The following LIX1 variants were observed in gnomAD, a reference collection of about 807,000 sequenced individuals.
LIX1 encodes the protein limb and CNS expressed 1, also known as protein limb expression 1 homolog.
In LIX1, 24 loss-of-function variants were observed where a neutral mutation model predicts 33.4. The observed-to-expected ratio is 0.72, with a 90% CI of 0.52 to 1.01. The LOEUF (loss-of-function observed/expected upper bound fraction) is 1.01, where lower values mean the gene tolerates loss of function less well. Among genes scored for constraint, LIX1 ranks in the 50% least tolerant of loss-of-function variants. The pLI, the probability that LIX1 is intolerant of heterozygous loss-of-function variation, is 0.00. For synonymous variants in LIX1, 124 were observed against 124.0 expected, an observed-to-expected ratio of 1.00 and a Z score of 0.00; for missense variants, 311 against 339.2, an observed-to-expected ratio of 0.92 and a Z score of 0.65.
rs187743267 is a variant in LIX1, at chr5:97,109,741, C to G, written c.247-2241G>C. Among the ~76,000 whole-genome samples, 8 of 151,910 alleles carry G rather than the reference C, an allele frequency of 5.3e-5. No individual in the cohort carries two copies. The South Asian group carries it at 1.3e-3, about 24-fold the overall frequency. Reference sequence around the variant, plus strand: ...TATGTAGTCTTTTATCCCTCACCCCCCTCCCAATCTTCTCCCCCAAGTGCC... The same window carrying G: ...TATGTAGTCTTTTATCCCTCACCCCGCTCCCAATCTTCTCCCCCAAGTGCC... On this transcript the variant is annotated intron_variant, in intron 2 of 5. Transcript: ENST00000274382.
At chr5:97,141,996 T>C (rs543233982) in intron 1 of LIX1, among the ~76,000 whole-genome samples, 2 of 152,358 alleles carry the variant, frequency 1.3e-5, no homozygotes, top group East Asian at 3.9e-4. Flanking sequence ...ACTAAAGCAT[T>C]ATAATCTGTT....
intron 4 of LIX1, chr5:97,102,224 C>T (rs1487271940): frequency 6.6e-6 from 1 of 152,052 alleles, no homozygotes. Context: ...CTGGAGACAC[C>T]AGCTTGTTTT....
rs1746327549 is a variant in LIX1 at position 97,095,434 on chromosome 5, C to A, written c.562-399G>T. ...GAAAGATAAAGAGAGGGAAGTAGCA[C>A]TACAGAGGGTCTTGGGCAGAATGGG... On this transcript the variant is annotated intron_variant, in intron 5 of 5. Transcript: ENST00000274382. 2.0e-5 allele frequency among the ~76,000 whole-genome samples: 3 copies of A among 152,190 alleles called. No individual in the cohort carries two copies. The South Asian group carries it at 6.2e-4, about 31-fold the overall frequency.
intron 1 of LIX1, among the ~76,000 whole-genome samples, chr5:97,136,297 C>G (rs543092586): frequency 6.6e-6 from 1 of 152,322 alleles, no homozygotes; most frequent in South Asian, 2.1e-4. Context: ...ATCTGGCTAT[C>G]AACTTAACCC....
intron 5 of LIX1, among the ~76,000 whole-genome samples, chr5:97,095,733 C>T (rs1223345569): frequency 2.0e-5 from 3 of 152,124 alleles, no homozygotes; most frequent in East Asian, 1.9e-4. Context: ...AAAAATTTGT[C>T]GATACATAAT....
intron 1 of LIX1, among the ~76,000 whole-genome samples, chr5:97,140,110 A>C (rs1748253459): frequency 6.6e-6 from 1 of 152,228 alleles, no homozygotes; most frequent in African/African-American, 2.4e-5. Flanking sequence ...CAATAAATGA[A>C]TTGCATGATC....
intron 1 of LIX1, among the ~76,000 whole-genome samples, chr5:97,127,447 C>T (rs758471437): frequency 1.3e-5 from 2 of 152,128 alleles, no homozygotes; most frequent in Non-Finnish European, 2.9e-5. Flanking sequence ...GATGTCATCA[C>T]CCACCAAGAG....
chr5:97,109,662 T>C (rs60269403), intron 2 of LIX1, among the ~76,000 whole-genome samples: 6,742 of 152,204 alleles, frequency 0.044, 183 homozygotes, highest in South Asian at 0.091. Context: ...GGGAATGCGG[T>C]GATTTCTGGG....
chr5:97,106,267 A>G (rs1441906075), intron 3 of LIX1, among the ~76,000 whole-genome samples: 1 of 152,238 alleles, frequency 6.6e-6, no homozygotes, highest in African/African-American at 2.4e-5. Context: ...TGAAATTTAC[A>G]GGGCTGGAAA....
At chr5:97,119,182 G>A (rs535220196) in intron 2 of LIX1, among the ~76,000 whole-genome samples, 54 of 152,308 alleles carry the variant, frequency 3.5e-4, no homozygotes, top group Non-Finnish European at 6.0e-4. Flanking sequence ...ACCATTGGTG[G>A]TGACGTCCAT....
At chr5:97,133,297 A>G (rs1162164224) in intron 1 of LIX1, among the ~76,000 whole-genome samples, 1 of 152,208 alleles carries the variant, frequency 6.6e-6, no homozygotes, top group Non-Finnish European at 1.5e-5. Context: ...TATCACTGCA[A>G]GATATCTAAC....
intron 1 of LIX1, among the ~76,000 whole-genome samples, chr5:97,140,382 C>T: frequency 6.6e-6 from 1 of 152,140 alleles, no homozygotes; most frequent in East Asian, 1.9e-4. Context: ...TCAGCTCTTT[C>T]CTTCTGGCAG....
rs770393249 is a variant in LIX1, at chr5:97,107,349, T to C, written c.387+11A>G. The C allele has an allele frequency of 6.2e-7, 1 of 1,611,260 alleles. No individual in the cohort carries two copies. Among genetic ancestry groups the C allele is most frequent in the South Asian group, 1.1e-5 (1 of 90,834 alleles). Reference sequence around the variant, plus strand: ...TGCAGCCATCTCCTGCCCTCCATGGTGGGTACTCACGCTGGTGGAGGCTAC... The same window carrying C: ...TGCAGCCATCTCCTGCCCTCCATGGCGGGTACTCACGCTGGTGGAGGCTAC... On this transcript the variant is annotated intron_variant, in intron 3 of 5. Transcript: ENST00000274382.
chr5:97,138,509 A>C (rs534177489), intron 1 of LIX1, among the ~76,000 whole-genome samples: 2 of 152,324 alleles, frequency 1.3e-5, no homozygotes, highest in South Asian at 4.1e-4. Context: ...TAAGGCCATA[A>C]ACTTCCAGAA....
intron 3 of LIX1, 81 bp downstream of exon 3, chr5:97,107,279 C>A: frequency 3.0e-6 from 4 of 1,339,794 alleles, no homozygotes; most frequent in South Asian, 1.6e-5. Context: ...TAAGAATTTG[C>A]TCATGTTAAC....
intron 2 of LIX1, among the ~76,000 whole-genome samples, chr5:97,117,239 T>G (rs1414465593): frequency 6.6e-6 from 1 of 152,196 alleles, no homozygotes; most frequent in African/African-American, 2.4e-5. Context: ...CCTTTAGAAG[T>G]TAAGTTACAT....
chr5:97,095,171 C>T, intron 5 of LIX1, 136 bp from the exon 6 acceptor site: 1 of 847,044 alleles, frequency 1.2e-6, no homozygotes. Flanking sequence ...AAACTGAAAC[C>T]AAAACCCACT....
chr5:97,137,068 G>A (rs181730701), intron 1 of LIX1: 190 of 433,538 alleles, frequency 4.4e-4, no homozygotes, highest in African/African-American at 3.6e-3. Flanking sequence ...GTAAAACCGT[G>A]TCATTTAAAC....
At chr5:97,108,898 C>T (rs1022094578) in intron 2 of LIX1, among the ~76,000 whole-genome samples, 1 of 152,152 alleles carries the variant, frequency 6.6e-6, no homozygotes, top group East Asian at 1.9e-4. Flanking sequence ...GCAAATACCA[C>T]GCTTCATTTT....
Sources: gnomAD v4.1 joint callset for allele counts (sites outside exome capture counted in the v4.1 genomes callset) on GRCh38, gnomAD v4.1.1 for gene constraint, MANE v1.5 for transcripts, NCBI Gene and HGNC (gene_info 2026-07-23, HGNC 2026-07-21) for gene names.